Variants in ZNF385B observed in about 807,000 individuals in gnomAD.
The protein encoded by ZNF385B is zinc finger protein 385B, also known as zinc finger protein 533.
Under a neutral mutation model 39.2 loss-of-function variants are expected in ZNF385B, and 23 were observed. The observed-to-expected ratio is 0.59, with a 90% CI of 0.42 to 0.83. The LOEUF (loss-of-function observed/expected upper bound fraction) is 0.83, where lower values mean the gene tolerates loss of function less well. ZNF385B is among the 40% of genes least tolerant of loss of function. The pLI is 0.00. For synonymous variants in ZNF385B, 205 were observed against 222.6 expected, an observed-to-expected ratio of 0.92 and a Z score of 0.70; for missense variants, 552 against 598.9, an observed-to-expected ratio of 0.92 and a Z score of 0.82.
At chr2:179,837,167 T>A (rs1222069658) in intron 1 of ZNF385B, among the ~76,000 whole-genome samples, 2 of 152,200 alleles carry the variant, frequency 1.3e-5, no homozygotes, top group Non-Finnish European at 2.9e-5. Context: ...AATCATTTGC[T>A]AACTAATAAA....
intron 3 of ZNF385B, among the ~76,000 whole-genome samples, chr2:179,588,670 C>A (rs981004911): frequency 2.0e-5 from 3 of 152,150 alleles, no homozygotes; most frequent in African/African-American, 7.2e-5. Flanking sequence ...GAGCAGACAT[C>A]CCGGACTGCC....
chr2:179,546,362 A>T (rs979768479), intron 3 of ZNF385B, among the ~76,000 whole-genome samples: 1 of 151,880 alleles, frequency 6.6e-6, no homozygotes, highest in African/African-American at 2.4e-5. Context: ...GTACCTATTA[A>T]CCATTCTCAC....
At chr2:179,752,083 C>T (rs549154072) in intron 3 of ZNF385B, among the ~76,000 whole-genome samples, 1 of 152,192 alleles carries the variant, frequency 6.6e-6, no homozygotes, top group African/African-American at 2.4e-5. Flanking sequence ...TATCCCTCCC[C>T]CTCTCCCCAC....
chr2:179,776,072 A>T (rs2106515065), intron 1 of ZNF385B, among the ~76,000 whole-genome samples: 1 of 152,360 alleles, frequency 6.6e-6, no homozygotes, highest in South Asian at 2.1e-4. Flanking sequence ...TGAAGCTCAA[A>T]CTGGACTATA....
At chr2:179,625,762 A>G (rs549827817) in intron 3 of ZNF385B, among the ~76,000 whole-genome samples, 1 of 152,302 alleles carries the variant, frequency 6.6e-6, no homozygotes, top group African/African-American at 2.4e-5. Context: ...ATGTATGTGT[A>G]TATAAATTAC....
At chr2:179,524,607 G>A (rs530045142) in intron 4 of ZNF385B, among the ~76,000 whole-genome samples, 132 of 134,540 alleles carry the variant, frequency 9.8e-4, no homozygotes, top group African/African-American at 3.7e-3. Flanking sequence ...GTCAGCCATC[G>A]AGCAAATATT....
chr2:179,858,214 T>C (rs1042759958), intron 1 of ZNF385B, among the ~76,000 whole-genome samples: 4 of 152,174 alleles, frequency 2.6e-5, no homozygotes, highest in Admixed American at 6.5e-5. Context: ...TGTGGGACTT[T>C]GTGAATTTTA....
At chr2:179,631,125 A>G (rs933077181) in intron 3 of ZNF385B, among the ~76,000 whole-genome samples, 3 of 152,198 alleles carry the variant, frequency 2.0e-5, no homozygotes, top group Admixed American at 6.5e-5. Flanking sequence ...AACTTCCCCA[A>G]CCTAGCAAGG....
intron 1 of ZNF385B, among the ~76,000 whole-genome samples, chr2:179,834,204 C>T (rs1192563375): frequency 6.6e-6 from 1 of 152,108 alleles, no homozygotes; most frequent in Non-Finnish European, 1.5e-5. Context: ...GAAGCAATAA[C>T]ATCCCCATAG....
intron 6 of ZNF385B, among the ~76,000 whole-genome samples, chr2:179,475,130 T>C (rs544865083): frequency 6.6e-6 from 1 of 152,136 alleles, no homozygotes; most frequent in Non-Finnish European, 1.5e-5. Context: ...TACAATGAAA[T>C]ATTGACTTTC....
intron 3 of ZNF385B, among the ~76,000 whole-genome samples, chr2:179,559,553 C>A (rs1195073032): frequency 1.3e-5 from 2 of 152,084 alleles, no homozygotes; most frequent in African/African-American, 4.8e-5. Flanking sequence ...ATTATACTGA[C>A]CTTGTACTAG....
At chr2:179,801,208 T>G (rs922532696) in intron 1 of ZNF385B, among the ~76,000 whole-genome samples, 1 of 152,098 alleles carries the variant, frequency 6.6e-6, no homozygotes, top group African/African-American at 2.4e-5. Context: ...TCCTTCATAC[T>G]ATGGAGTTGT....
At position 179,681,391 on chromosome 2, in the gene ZNF385B, T is replaced by C. The variant is rs1324125309; in HGVS notation, c.298+88112A>G. 2.0e-5 allele frequency among the ~76,000 whole-genome samples: 3 copies of C among 152,188 alleles called. No individual in the cohort carries two copies. The South Asian group carries it at 6.2e-4, about 32-fold the overall frequency. Reference sequence around the variant, plus strand: ...GTTCAGGGACTCTATGTTCTGAAGTTCTTTAGTTCATTTTTCTAGTCTTAG... The same window carrying C: ...GTTCAGGGACTCTATGTTCTGAAGTCCTTTAGTTCATTTTTCTAGTCTTAG... On this transcript the variant is annotated intron_variant, in intron 3 of 9. Transcript: ENST00000410066.
chr2:179,586,791 C>A (rs1687110996), intron 3 of ZNF385B, among the ~76,000 whole-genome samples: 1 of 152,174 alleles, frequency 6.6e-6, no homozygotes, highest in African/African-American at 2.4e-5. Context: ...GTAATCCCAG[C>A]ACTCTGGGAG....
chr2:179,446,441 T>C (rs749330478), intron 7 of ZNF385B, 84 bp downstream of exon 7: 41 of 1,520,872 alleles, frequency 2.7e-5, no homozygotes, highest in Non-Finnish European at 3.4e-5. Context: ...ACCTAAGGTC[T>C]GAACAACAAA....
At chr2:179,786,387 A>T (rs1705002765) in intron 1 of ZNF385B, among the ~76,000 whole-genome samples, 1 of 152,190 alleles carries the variant, frequency 6.6e-6, no homozygotes, top group East Asian at 1.9e-4. Flanking sequence ...ATTGCTCTGC[A>T]TATGATTTTG....
chr2:179,664,857 T>C (rs1694947803), intron 3 of ZNF385B, among the ~76,000 whole-genome samples: 1 of 152,174 alleles, frequency 6.6e-6, no homozygotes, highest in Admixed American at 6.6e-5. Flanking sequence ...CTGTTAACAT[T>C]GCAGGATTTT....
chr2:179,756,459 G>A (rs1203748798), intron 3 of ZNF385B, among the ~76,000 whole-genome samples: 4 of 152,044 alleles, frequency 2.6e-5, no homozygotes, highest in Non-Finnish European at 5.9e-5. Context: ...TATGTGTCTT[G>A]GAGTTGCTCT....
chr2:179,769,055 C>T (rs1242814562), intron 3 of ZNF385B, among the ~76,000 whole-genome samples: 2 of 152,188 alleles, frequency 1.3e-5, no homozygotes, highest in African/African-American at 2.4e-5. Context: ...ATTAATGCTC[C>T]TCTCCTGCAT....
Sources: allele counts gnomAD v4.1 joint callset (sites outside exome capture counted in the v4.1 genomes callset), GRCh38; gene constraint gnomAD v4.1.1; transcripts MANE v1.5; gene names NCBI Gene and HGNC (gene_info 2026-07-23, HGNC 2026-07-21).